WBP1L: variants seen among roughly 807,000 people sequenced by gnomAD.
The protein encoded by WBP1L is WW domain binding protein 1-like.
Under a neutral mutation model 33.7 loss-of-function variants are expected in WBP1L, and 17 were observed. The ratio of observed to expected loss-of-function variants is 0.50; its 90% confidence interval spans 0.34 to 0.76. The LOEUF (loss-of-function observed/expected upper bound fraction) is 0.76. Ranked by LOEUF, WBP1L falls within the 30% of genes least tolerant of loss-of-function variation. WBP1L has a pLI of 0.01. For missense variants in WBP1L, 389 were observed against 469.4 expected (o/e 0.83, Z 1.58); for synonymous variants, 173 against 190.8 (o/e 0.91, Z 0.77).
Position 102,770,053 on chromosome 10 carries a change from A to G in WBP1L, c.90+25910A>G, listed in dbSNP as rs1843167176. 2.0e-5 allele frequency among the ~76,000 whole-genome samples: 3 copies of G among 152,214 alleles called. No homozygotes were observed. In the South Asian group the frequency reaches 6.2e-4, roughly 31 times the overall value. ...GATAAAGCTAGTGTTCTTGGTTTCTAGCAGTTAAGCAACCTATAGTGTTTC... is the reference window on the plus strand; with the variant it reads ...GATAAAGCTAGTGTTCTTGGTTTCTGGCAGTTAAGCAACCTATAGTGTTTC... On this transcript the variant is annotated intron_variant, in intron 1 of 3. Transcript: ENST00000448841.
chr10:102,772,548 A>ATGG (rs1314355641), intron 1 of WBP1L, among the ~76,000 whole-genome samples: 20 of 130,978 alleles, frequency 1.5e-4, no homozygotes, highest in African/African-American at 5.6e-4. Context: ...AGCATGAGCC[A>ATGG]TGCCCGGCCC....
chr10:102,813,279 C>A lies in WBP1L; in HGVS notation c.1040C>A (p.Thr347Asn). Reference sequence around the variant, plus strand: ...CCGCCCGCATGCCTGCTGCTGAACACCATCAACGAGCAGGACTCTCCCAAC... The same window carrying A: ...CCGCCCGCATGCCTGCTGCTGAACAACATCAACGAGCAGGACTCTCCCAAC... Reference protein sequence around the residue: ...PRPPACLLLNTINEQDSPNSQ... With the variant: ...PRPPACLLLNNINEQDSPNSQ... The change falls in exon 4 of 4, where the codon ACC (threonine) becomes AAC (asparagine). Residue 347 changes from threonine (T) to asparagine (N), a missense_variant. Physicochemically the swap from Thr to Asn is moderately conservative, Grantham distance 65. Transcript: ENST00000448841. The A allele has an allele frequency of 6.2e-7, 1 of 1,612,874 alleles. No homozygotes were observed. The highest frequency in any genetic ancestry group is 1.1e-5 in the South Asian group (1 of 91,058).
chr10:102,804,425 A>ATTTTT (rs1564769144), intron 2 of WBP1L, among the ~76,000 whole-genome samples: 292 of 150,288 alleles, frequency 1.9e-3, no homozygotes, highest in African/African-American at 6.9e-3. Flanking sequence ...TTTTTAAAAA[A>ATTTTT]AAAATTATAC....
chr10:102,744,291 C>T, intron 1 of WBP1L, 148 bp downstream of exon 1: 1 of 1,258,874 alleles, frequency 7.9e-7, no homozygotes, highest in Non-Finnish European at 1.0e-6. Context: ...AAAGGGGCGT[C>T]GGTATTTAGC....
intron 1 of WBP1L, among the ~76,000 whole-genome samples, chr10:102,778,212 A>T (rs2134043676): frequency 6.6e-6 from 1 of 152,362 alleles, no homozygotes; most frequent in Middle Eastern, 3.4e-3. Context: ...GCAACACTGC[A>T]GGGGTGCAGG....
chr10:102,787,351 G>C (rs952805846), intron 1 of WBP1L, among the ~76,000 whole-genome samples: 10 of 152,232 alleles, frequency 6.6e-5, no homozygotes, highest in Admixed American at 2.6e-4. Flanking sequence ...ACTGTTGGAG[G>C]CTGAGGCAGG....
At chr10:102,802,644 C>T (rs1201666652) in intron 2 of WBP1L, among the ~76,000 whole-genome samples, 1 of 151,978 alleles carries the variant, frequency 6.6e-6, no homozygotes, top group Non-Finnish European at 1.5e-5. Flanking sequence ...TACAGGTGTG[C>T]GCCAGCATGC....
At chr10:102,752,678 A>T (rs1842937007) in intron 1 of WBP1L, among the ~76,000 whole-genome samples, 1 of 152,116 alleles carries the variant, frequency 6.6e-6, no homozygotes, top group Non-Finnish European at 1.5e-5. Context: ...ATCTGAACTG[A>T]GTCATGTTCT....
At chr10:102,783,036 G>C (rs999586426) in intron 1 of WBP1L, among the ~76,000 whole-genome samples, 2 of 152,186 alleles carry the variant, frequency 1.3e-5, no homozygotes, top group African/African-American at 2.4e-5. Context: ...TCGAGGGTGT[G>C]AAATCCCTGG....
chr10:102,792,592 CTTT>C (rs11368357), intron 1 of WBP1L, among the ~76,000 whole-genome samples: 1,234 of 103,586 alleles, frequency 0.012, 9 homozygotes, highest in African/African-American at 0.04. Context: ...TTTTTCTTTT[CTTT>C]TTTTTTTTTT....
chr10:102,777,720 A>C (rs1461264077), intron 1 of WBP1L, among the ~76,000 whole-genome samples: 1 of 151,890 alleles, frequency 6.6e-6, no homozygotes, highest in Non-Finnish European at 1.5e-5. Context: ...ATGTGCCACT[A>C]TACCCGGCTA....
rs1843893036 is a variant in WBP1L at position 102,814,159 on chromosome 10, C to G, written c.*828C>G. 1 of 152,232 alleles carries G rather than the reference C, an allele frequency of 6.6e-6. No individual in the cohort carries two copies. The highest frequency in any genetic ancestry group is 1.5e-5 in the Non-Finnish European group (1 of 68,040). 9.4% of individuals were successfully genotyped at this position (152,232 alleles called of 1,614,324 possible). A position where few individuals can be genotyped will look rare whatever the true frequency, so the allele number is the denominator to read the frequency against. ...CGTTTGTGGCTCTTTCCCAAGTTGG[C>G]CTTCAAAGAGCCTGCCTGCTGTTGA... On this transcript the variant is annotated 3_prime_UTR_variant, in exon 4 of 4. Coordinates refer to ENST00000448841, the MANE Select transcript of WBP1L (RefSeq NM_001083913.2).
intron 1 of WBP1L, among the ~76,000 whole-genome samples, chr10:102,761,474 G>A (rs1843040610): frequency 1.3e-5 from 2 of 149,528 alleles, no homozygotes; most frequent in African/African-American, 4.9e-5. Context: ...TTCTTTTTTT[G>A]AGACGGAGTT....
chr10:102,788,026 C>T (rs1021765636), intron 1 of WBP1L, among the ~76,000 whole-genome samples: 5 of 148,024 alleles, frequency 3.4e-5, no homozygotes, highest in Admixed American at 1.4e-4. Flanking sequence ...TTGCAGTGAG[C>T]CGAGATCGTG....
intron 1 of WBP1L, among the ~76,000 whole-genome samples, chr10:102,797,296 C>T (rs1320692025): frequency 6.6e-6 from 1 of 152,128 alleles, no homozygotes; most frequent in African/African-American, 2.4e-5. Flanking sequence ...ACAGAAAAGC[C>T]AGTTTTATTT....
intron 2 of WBP1L, chr10:102,804,137 C>T (rs1454026256): frequency 1.3e-5 from 2 of 151,866 alleles, no homozygotes; most frequent in Non-Finnish European, 2.9e-5. Context: ...ACCTGTAATC[C>T]CAGCACTTTG....
intron 3 of WBP1L, among the ~76,000 whole-genome samples, chr10:102,810,491 CTCCTTCCTTCCTTCCTTCCTTCCTTCCT>C (rs796637182): frequency 1.2e-5 from 1 of 81,634 alleles, no homozygotes; most frequent in Non-Finnish European, 2.3e-5. Context: ...CCTTCCTTCC[CTCCTTCCTTCCTTCCTTCCTTCCTTCCT>C]TCCTTCCTTC....
At chr10:102,750,605 G>C (rs193262961) in intron 1 of WBP1L, among the ~76,000 whole-genome samples, 1 of 151,652 alleles carries the variant, frequency 6.6e-6, no homozygotes, top group Admixed American at 6.6e-5. Flanking sequence ...GAGTTCAAGC[G>C]CTTCTCCTGC....
rs1210510611 is a variant in WBP1L at position 102,814,882 on chromosome 10, AAAT to A, written c.*1553_*1555del. The A allele has an allele frequency of 3.3e-5, 5 of 152,730 alleles. No individual in the cohort carries two copies. Among genetic ancestry groups the A allele is most frequent in the Admixed American group, 6.5e-5 (1 of 15,296 alleles). 9.5% of individuals were successfully genotyped at this position (152,730 alleles called of 1,614,324 possible). A position where few individuals can be genotyped will look rare whatever the true frequency, so the allele number is the denominator to read the frequency against. On this transcript the variant is annotated 3_prime_UTR_variant, in exon 4 of 4. Coordinates refer to ENST00000448841, the MANE Select transcript of WBP1L (RefSeq NM_001083913.2). ...TATGGAAGAAAGAAAGAAACAAACAAAATATATATATATATGTCCAAAAACAGA... is the reference window on the plus strand; with the variant it reads ...TATGGAAGAAAGAAAGAAACAAACAAATATATATATATGTCCAAAAACAGA...
Sources: gnomAD v4.1 joint callset for allele counts (sites outside exome capture counted in the v4.1 genomes callset) on GRCh38, gnomAD v4.1.1 for gene constraint, MANE v1.5 for transcripts, NCBI Gene and HGNC (gene_info 2026-07-23, HGNC 2026-07-21) for gene names.